PARP8: variants seen among roughly 807,000 people sequenced by gnomAD.
PARP8 encodes protein mono-ADP-ribosyltransferase PARP8.
Under a neutral mutation model 124.1 loss-of-function variants are expected in PARP8, and 51 were observed. The ratio of observed to expected loss-of-function variants is 0.41; its 90% CI spans 0.33 to 0.52. The LOEUF is 0.52. Among genes scored for constraint, PARP8 ranks in the 20% least tolerant of loss-of-function variants. The pLI is 0.21. For synonymous variants in PARP8, 391 were observed against 361.5 expected (o/e 1.08, Z -0.93); for missense variants, 860 against 1,018.9 (o/e 0.84, Z 2.12).
At chr5:50,757,084 C>T (rs1311463793) in intron 3 of PARP8, 2 of 446,332 alleles carry the variant, frequency 4.5e-6, no homozygotes, top group Non-Finnish European at 9.0e-6. Flanking sequence ...CATTGATGAA[C>T]ACTTAGAACT....
At chr5:50,734,633 C>T (rs1036412306) in intron 2 of PARP8, among the ~76,000 whole-genome samples, 19 of 151,914 alleles carry the variant, frequency 1.3e-4, no homozygotes, top group Non-Finnish European at 1.9e-4. Context: ...CAGATGTCTC[C>T]GGGATGGCTA....
chr5:50,785,413 A>C (rs1456149736), intron 9 of PARP8, among the ~76,000 whole-genome samples: 1 of 152,116 alleles, frequency 6.6e-6, no homozygotes, highest in African/African-American at 2.4e-5. Flanking sequence ...CATTAGTTCT[A>C]GTGCATTTCG....
At chr5:50,794,748 T>G in intron 11 of PARP8, 105 bp from the exon 12 acceptor site, 1 of 989,974 alleles carries the variant, frequency 1.0e-6, no homozygotes, top group Non-Finnish European at 1.5e-6. Flanking sequence ...TAAAATGAGG[T>G]GGTAGAATAT....
chr5:50,716,410 G>A (rs1231247829), intron 2 of PARP8, among the ~76,000 whole-genome samples: 1 of 152,046 alleles, frequency 6.6e-6, no homozygotes, highest in African/African-American at 2.4e-5. Flanking sequence ...TGAGCAGAGG[G>A]AGCTGGCTTT....
chr5:50,821,391 C>T (rs1407637839), intron 16 of PARP8, 53 bp downstream of exon 16: 10 of 1,587,202 alleles, frequency 6.3e-6, no homozygotes, highest in Admixed American at 3.3e-5. Flanking sequence ...ACAATAACAA[C>T]AATATTGAGA....
At chr5:50,749,875 G>T (rs570592781) in intron 2 of PARP8, among the ~76,000 whole-genome samples, 136 of 152,154 alleles carry the variant, frequency 8.9e-4, no homozygotes, top group African/African-American at 3.1e-3. Context: ...TGAAATAAAA[G>T]ACCTGTCTAT....
At chr5:50,739,450 C>T (rs566617850) in intron 2 of PARP8, among the ~76,000 whole-genome samples, 3 of 152,058 alleles carry the variant, frequency 2.0e-5, no homozygotes, top group Non-Finnish European at 2.9e-5. Flanking sequence ...CCTCTCGCTA[C>T]ATCAGCTGCA....
chr5:50,691,779 G>T (rs1364214015), intron 2 of PARP8, among the ~76,000 whole-genome samples: 1 of 152,008 alleles, frequency 6.6e-6, no homozygotes, highest in Non-Finnish European at 1.5e-5. Flanking sequence ...AATGAAACTC[G>T]TCATCTACTC....
intron 2 of PARP8, among the ~76,000 whole-genome samples, chr5:50,729,069 G>C (rs1309424717): frequency 6.6e-6 from 1 of 152,104 alleles, no homozygotes; most frequent in Non-Finnish European, 1.5e-5. Flanking sequence ...GTGTGCGGTT[G>C]TTCAAAATTG....
intron 7 of PARP8, among the ~76,000 whole-genome samples, chr5:50,767,743 A>G (rs1166549241): frequency 6.6e-6 from 1 of 152,180 alleles, no homozygotes. Context: ...CTTCCTGACT[A>G]CTGAGTTTGC....
chr5:50,713,537 A>G (rs566119182), intron 2 of PARP8, among the ~76,000 whole-genome samples: 63 of 152,154 alleles, frequency 4.1e-4, no homozygotes, highest in African/African-American at 1.5e-3. Flanking sequence ...CATCACACCC[A>G]GCTATTATTA....
intron 17 of PARP8, 150 bp downstream of exon 17, chr5:50,822,550 G>A: frequency 6.6e-6 from 4 of 606,188 alleles, no homozygotes; most frequent in East Asian, 2.8e-5. Flanking sequence ...CAGTGTACTA[G>A]CATGTAACAC....
intron 2 of PARP8, among the ~76,000 whole-genome samples, chr5:50,744,127 T>G (rs1294962409): frequency 6.6e-6 from 1 of 152,148 alleles, no homozygotes; most frequent in Non-Finnish European, 1.5e-5. Flanking sequence ...AATGAATTGG[T>G]GCATCGAAAA....
In PARP8 at chr5:50,747,392, A is replaced by G. The variant is rs185123395; in HGVS notation, c.147-2759A>G. Among the ~76,000 whole-genome samples the G allele has an allele frequency of 3.3e-4, 50 of 152,084 alleles. 1 individual carries two copies. In the East Asian group the frequency reaches 7.1e-3, roughly 22 times the overall value. Reference sequence around the variant, plus strand: ...AGCTCAGTATATGATCTATCTTGATATTCTGCAGTTGTAGTGTTCTATGAA... The same window carrying G: ...AGCTCAGTATATGATCTATCTTGATGTTCTGCAGTTGTAGTGTTCTATGAA... On this transcript the variant is annotated intron_variant, in intron 2 of 25. Transcript: ENST00000281631.
At chr5:50,838,518 A>G (rs1747831161) in intron 25 of PARP8, among the ~76,000 whole-genome samples, 1 of 152,084 alleles carries the variant, frequency 6.6e-6, no homozygotes, top group Non-Finnish European at 1.5e-5. Context: ...AAAATTTTCC[A>G]TATTATCCCC....
intron 7 of PARP8, among the ~76,000 whole-genome samples, chr5:50,765,865 T>C (rs565090609): frequency 6.6e-6 from 1 of 152,334 alleles, no homozygotes; most frequent in Non-Finnish European, 1.5e-5. Flanking sequence ...AAGTTCTAAG[T>C]CTGTTGAAAA....
intron 14 of PARP8, among the ~76,000 whole-genome samples, chr5:50,809,730 A>C (rs1744232102): frequency 1.3e-5 from 2 of 152,034 alleles, no homozygotes; most frequent in Admixed American, 6.6e-5. Context: ...TATTGGACTT[A>C]TGTGAAATAT....
intron 3 of PARP8, chr5:50,757,277 C>G: frequency 1.3e-5 from 5 of 397,776 alleles, no homozygotes; most frequent in South Asian, 7.3e-5. Flanking sequence ...TAAAAAAAAA[C>G]AGGCCAATAA....
intron 2 of PARP8, among the ~76,000 whole-genome samples, chr5:50,683,801 AAT>A (rs1751556341): frequency 6.6e-6 from 1 of 152,196 alleles, no homozygotes; most frequent in Non-Finnish European, 1.5e-5. Context: ...TCTCCGTTAA[AAT>A]ATGTTTTATG....
Sources: allele counts gnomAD v4.1 joint callset (sites outside exome capture counted in the v4.1 genomes callset), GRCh38; gene constraint gnomAD v4.1.1; transcripts MANE v1.5; gene names NCBI Gene and HGNC (gene_info 2026-07-23, HGNC 2026-07-21).